Variants in TMC6 observed in about 807,000 individuals in gnomAD.
TMC6 encodes the protein transmembrane channel like 6.
In TMC6, 71 loss-of-function variants were observed where a neutral mutation model predicts 95.4. The observed-to-expected ratio is 0.74, with a 90% CI of 0.61 to 0.91. TMC6 has a LOEUF of 0.91. Ranked by LOEUF, TMC6 falls within the 40% of genes least tolerant of loss-of-function variation. The probability of loss-of-function intolerance (pLI) is 0.00; values close to 1 mark genes in which losing one functional copy is unlikely to be tolerated. For synonymous variants in TMC6, 514 were observed against 483.1 expected, an observed-to-expected ratio of 1.06 and a Z score of -0.84; for missense variants, 1,074 against 1,079.1, an observed-to-expected ratio of 1.00 and a Z score of 0.07.
At position 78,112,765 on chromosome 17, in the gene TMC6, G is replaced by C. The variant is rs73999640; in HGVS notation, c.*383C>G. The C allele has an allele frequency of 7.1e-4, 224 of 313,324 alleles. 1 individual carries two copies. Among genetic ancestry groups the C allele is most frequent in the African/African-American group, 4.4e-3 (202 of 45,668 alleles). The allele number at this position is 313,324 out of a possible 1,614,324, so 19.4% of individuals were successfully genotyped here. On this transcript the variant is annotated 3_prime_UTR_variant, in exon 20 of 20. Transcript: ENST00000590602. ...CAGCAAGCGAATCAAGCCCTGGCGC[G>C]GTCCAGCCCCTGCCATCTGGGGCTT... is the stretch of plus-strand genomic sequence containing the variant.
intron 15 of TMC6, 126 bp downstream of exon 15, chr17:78,118,845 G>A (rs938278553): frequency 5.1e-5 from 55 of 1,077,572 alleles, no homozygotes; most frequent in African/African-American, 2.3e-4. Flanking sequence ...GGGCAGCCCC[G>A]AGCCGCCAGC....
Position 78,121,766 on chromosome 17 carries a change from C to G in TMC6, c.1228-55G>C. ...ACACCAGAGCACGGGCACACGCAGA[C>G]GTGCAGACACAGCACAACACACACA... On this transcript the variant is annotated intron_variant, in intron 10 of 19. Coordinates refer to ENST00000590602, the MANE Select transcript of TMC6 (RefSeq NM_001127198.5). The surrounding 1 kb of genome is among the most constrained non-coding windows in gnomAD (Gnocchi z 5.6). 1.3e-6 allele frequency: 2 copies of G among 1,525,846 alleles called. No individual in the cohort carries two copies. The highest frequency in any genetic ancestry group is 1.7e-4 in the Middle Eastern group (1 of 5,878). 94.5% of individuals were successfully genotyped at this position (1,525,846 alleles called of 1,614,324 possible). A position where few individuals can be genotyped will look rare whatever the true frequency, so the allele number is the denominator to read the frequency against.
chr17:78,127,407 C>G (rs1178905723), intron 1 of TMC6, among the ~76,000 whole-genome samples: 1 of 152,196 alleles, frequency 6.6e-6, no homozygotes, highest in Admixed American at 6.5e-5. Context: ...ACAGGGGGCT[C>G]CTCCCCCACA....
Position 78,117,195 on chromosome 17 carries a change from G to C in TMC6, c.2277+74C>G. On this transcript the variant is annotated intron_variant, in intron 18 of 19. Coordinates refer to ENST00000590602, the MANE Select transcript of TMC6 (RefSeq NM_001127198.5). ...CCAAGGCCCACAGGAGATGTACAGGGGAGTGGAGGGGAGCGTCACCCTCAG... is the reference window on the plus strand; with the variant it reads ...CCAAGGCCCACAGGAGATGTACAGGCGAGTGGAGGGGAGCGTCACCCTCAG... The C allele has an allele frequency of 7.3e-6, 11 of 1,503,460 alleles. No individual in the cohort carries two copies. The South Asian group carries it at 1.2e-4, about 17-fold the overall frequency. The allele number at this position is 1,503,460 out of a possible 1,614,324, so 93.1% of individuals were successfully genotyped here.
At chr17:78,127,166 G>C in intron 1 of TMC6, 1 of 510,132 alleles carries the variant, frequency 2.0e-6, no homozygotes, top group South Asian at 2.1e-5. Context: ...CTGTTTCCTC[G>C]ATGTCGCCAG....
chr17:78,117,195 G>A (rs1481530805), intron 18 of TMC6, 74 bp downstream of exon 18: 1 of 1,503,338 alleles, frequency 6.7e-7, no homozygotes, highest in East Asian at 2.3e-5. Context: ...GATGTACAGG[G>A]GAGTGGAGGG....
In TMC6 at chr17:78,109,014, C is replaced by G. The variant is rs2073769764; in HGVS notation, c.*4134G>C. On this transcript the variant is annotated 3_prime_UTR_variant, in exon 20 of 20. Transcript: ENST00000590602. ...CATGCATGCGCCACCCCACCCAGCT[C>G]ATTTCATTTTTTATTTTTGTAGAGA... 1 of 167,804 alleles carries G rather than the reference C, an allele frequency of 6.0e-6. No homozygotes were observed. The highest frequency in any genetic ancestry group is 1.7e-4 in the East Asian group (1 of 5,868). The allele number at this position is 167,804 out of a possible 1,614,324, so 10.4% of individuals were successfully genotyped here.
Position 78,124,729 on chromosome 17 carries a change from G to C in TMC6, c.686C>G (p.Pro229Arg), listed in dbSNP as rs749326103. 2 of 1,589,924 alleles carry C rather than the reference G, an allele frequency of 1.3e-6. No individual in the cohort carries two copies. The highest frequency in any genetic ancestry group is 2.7e-5 in the African/African-American group (2 of 74,464). Residue 229 changes from proline to arginine, a missense_variant, in exon 8 of 20, where the codon CCG becomes CGG. Physicochemically the swap from Pro to Arg is moderately radical, Grantham distance 103. Coordinates refer to ENST00000590602, the MANE Select transcript of TMC6 (RefSeq NM_001127198.5). Reference sequence around the variant, plus strand: ...GATGCGCTTCAGGGCGTAGCGCCACGGCATCAGGGCCTGCAGGGCGGAGAG... The same window carrying C: ...GATGCGCTTCAGGGCGTAGCGCCACCGCATCAGGGCCTGCAGGGCGGAGAG... ...ALLSALQALM[P>R]WRYALKRIGG...
At position 78,121,042 on chromosome 17, in the gene TMC6, C is replaced by T. The variant is rs752663338; in HGVS notation, c.1506G>A (p.Pro502=). ...VLAALEPHDS[P]VLEVYVAICR... ...AGATGGCCACGTACACCTCCAGTAC[C>T]GGGGAGTCATGCGGCTCCAGGGCGG... is the stretch of plus-strand genomic sequence containing the variant. Residue 502 remains proline (P), a synonymous_variant, in exon 12 of 20, where the codon CCG becomes CCA. Coordinates refer to ENST00000590602, the MANE Select transcript of TMC6 (RefSeq NM_001127198.5). The surrounding 1 kb of genome is among the most constrained non-coding windows in gnomAD (Gnocchi z 5.6). The T allele has an allele frequency of 7.0e-5, 113 of 1,613,218 alleles. No individual in the cohort carries two copies. The highest frequency in any genetic ancestry group is 9.2e-5 in the Non-Finnish European group (109 of 1,180,024).
chr17:78,132,010 G>A, upstream of TMC6: 1 of 1,532,814 alleles, frequency 6.5e-7, no homozygotes, highest in Middle Eastern at 1.8e-4. Flanking sequence ...CTCTGGGAGG[G>A]GGCGCTCTAC....
chr17:78,131,681 C>T (rs2074973893), upstream of TMC6: 1 of 1,575,162 alleles, frequency 6.3e-7, no homozygotes, highest in Non-Finnish European at 8.6e-7. Flanking sequence ...GGCTGCGCGG[C>T]TCTGGGACGC....
chr17:78,131,546 C>G (rs553665461), upstream of TMC6: 4 of 1,537,324 alleles, frequency 2.6e-6, no homozygotes, highest in Admixed American at 2.0e-5. Flanking sequence ...ATATCCCCCC[C>G]ACCGGCAGCC....
At chr17:78,116,285 T>A (rs1430894722) in intron 18 of TMC6, among the ~76,000 whole-genome samples, 4 of 150,244 alleles carry the variant, frequency 2.7e-5, no homozygotes, top group African/African-American at 9.8e-5. Flanking sequence ...GCTTTTTTTT[T>A]TTTTTTTTTA....
rs949857937 is a variant in TMC6, at chr17:78,111,892, G to A, written c.*1256C>T. ...CCCCACAAGCCTGGAACCCTGCGCC[G>A]TGACGGGCTGGTCCCCACAGACCTG... On this transcript the variant is annotated 3_prime_UTR_variant, in exon 20 of 20. Transcript: ENST00000590602. The A allele has an allele frequency of 6.1e-5, 14 of 227,898 alleles. 1 individual carries two copies. Among genetic ancestry groups the A allele is most frequent in the African/African-American group, 1.2e-4 (5 of 41,580 alleles). The allele number at this position is 227,898 out of a possible 1,614,324, so 14.1% of individuals were successfully genotyped here.
In TMC6 at chr17:78,117,852, G is replaced by C; in HGVS notation, c.1971C>G (p.Cys657Trp). Reference protein sequence around the residue: ...HMSTVFLTLLCFPAFLGAAVF... With the variant: ...HMSTVFLTLLWFPAFLGAAVF... ...CAGCGGCGCCCAGGAAGGCGGGGAA[G>C]CAGAGCAGCGTGAGGAAGACGGTGC... The change falls in exon 16 of 20, where the codon TGC (cysteine) becomes TGG (tryptophan). Residue 657 changes from cysteine (C) to tryptophan (W), a missense_variant. Physicochemically the swap from Cys to Trp is radical, Grantham distance 215. Transcript: ENST00000590602. The C allele has an allele frequency of 6.2e-7, 1 of 1,608,124 alleles. No homozygotes were observed. The highest frequency in any genetic ancestry group is 8.5e-7 in the Non-Finnish European group (1 of 1,177,556).
intron 18 of TMC6, 98 bp downstream of exon 18, chr17:78,117,171 C>G: frequency 7.5e-7 from 1 of 1,334,026 alleles, no homozygotes; most frequent in East Asian, 2.3e-5. Flanking sequence ...TTTCACCAGC[C>G]AAGGCCCACA....
Position 78,120,836 on chromosome 17 carries a change from C to T in TMC6, c.1536-4G>A, listed in dbSNP as rs117553598. On this transcript the variant is annotated splice_region_variant and splice_polypyrimidine_tract_variant and intron_variant, in intron 12 of 19. Coordinates refer to ENST00000590602, the MANE Select transcript of TMC6 (RefSeq NM_001127198.5). Reference sequence around the variant, plus strand: ...GGCCAGCTTGAGGATGAGGTTCCTGCGGAGGGCGGGGTGCAAAGGCTGAGG... The same window carrying T: ...GGCCAGCTTGAGGATGAGGTTCCTGTGGAGGGCGGGGTGCAAAGGCTGAGG... 6,642 of 1,611,704 alleles carry T rather than the reference C, an allele frequency of 4.1e-3. 17 individuals carry two copies. The highest frequency in any genetic ancestry group is 4.6e-3 in the Middle Eastern group (28 of 6,056).
Position 78,122,941 on chromosome 17 carries a change from C to A in TMC6, c.1083-192G>T. The stretch of plus-strand genomic sequence containing the variant: ...TACACCAGTCTCATCCAACATAGCA[C>A]CCACCAGCCACATCTGCCTAGAAGA... On this transcript the variant is annotated intron_variant, in intron 9 of 19. Transcript: ENST00000590602. The surrounding 1 kb of genome is among the most constrained non-coding windows in gnomAD (Gnocchi z 4.9). The A allele has an allele frequency of 1.4e-6, 1 of 734,660 alleles. No homozygotes were observed. The highest frequency in any genetic ancestry group is 2.3e-6 in the Non-Finnish European group (1 of 437,850). The allele number at this position is 734,660 out of a possible 1,614,324, so 45.5% of individuals were successfully genotyped here. A position where few individuals can be genotyped will look rare whatever the true frequency, so the allele number is the denominator to read the frequency against.
rs2074368408 is a variant in TMC6, at chr17:78,120,646, C to T, written c.1715+7G>A. ...CTCACCACCCAGTCCGCCCAGGACCCCCTCACCTCCACACCAGTTCCCCAA... is the reference window on the plus strand; with the variant it reads ...CTCACCACCCAGTCCGCCCAGGACCTCCTCACCTCCACACCAGTTCCCCAA... On this transcript the variant is annotated splice_region_variant and intron_variant, in intron 13 of 19. Coordinates refer to ENST00000590602, the MANE Select transcript of TMC6 (RefSeq NM_001127198.5). 2 of 1,613,928 alleles carry T rather than the reference C, an allele frequency of 1.2e-6. No individual in the cohort carries two copies. Among genetic ancestry groups the T allele is most frequent in the Non-Finnish European group, 8.5e-7 (1 of 1,180,024 alleles).
Sources: gnomAD v4.1 joint callset for allele counts (sites outside exome capture counted in the v4.1 genomes callset) on GRCh38, gnomAD v4.1.1 for gene constraint, Gnocchi (gnomAD v3.1) non-coding constraint, MANE v1.5 for transcripts, NCBI Gene and HGNC (gene_info 2026-07-23, HGNC 2026-07-21) for gene names.